The following NELFA variants were observed in gnomAD, a reference collection of about 807,000 sequenced individuals.
The protein encoded by NELFA is negative elongation factor A.
Under a neutral mutation model 51.8 loss-of-function variants are expected in NELFA, and 35 were observed. The observed-to-expected ratio is 0.68, with a 90% CI of 0.52 to 0.90. NELFA has a LOEUF of 0.90. Ranked by LOEUF, NELFA falls within the 40% of genes least tolerant of loss-of-function variation. The pLI is 0.00. For missense variants in NELFA, 658 were observed against 746.4 expected, an observed-to-expected ratio of 0.88 and a Z score of 1.38; for synonymous variants, 417 against 338.4, an observed-to-expected ratio of 1.23 and a Z score of -2.55.
chr4:1,985,900 G>T, intron 6 of NELFA, 36 bp from the exon 7 acceptor site: 1 of 1,559,632 alleles, frequency 6.4e-7, no homozygotes. Flanking sequence ...CAGTGCCCGG[G>T]CGCGTCTGCA....
chr4:1,992,785 G>T (rs116632411), intron 1 of NELFA, among the ~76,000 whole-genome samples: 1 of 152,182 alleles, frequency 6.6e-6, no homozygotes, highest in South Asian at 2.1e-4. Flanking sequence ...AAGTTGGCTC[G>T]AAGGGCAGAG....
At chr4:2,006,105 G>C (rs1728702855) in intron 1 of NELFA, among the ~76,000 whole-genome samples, 1 of 152,208 alleles carries the variant, frequency 6.6e-6, no homozygotes, top group East Asian at 1.9e-4. Flanking sequence ...TAAATAAAGT[G>C]ACAAGAACCG....
intron 8 of NELFA, 65 bp from the exon 9 acceptor site, chr4:1,984,178 C>A: frequency 7.0e-7 from 1 of 1,435,704 alleles, no homozygotes; most frequent in Non-Finnish European, 9.1e-7. Flanking sequence ...CCCTAGTGCT[C>A]CTGGAGGTGA....
At chr4:1,994,672 A>G (rs1349470953) in intron 1 of NELFA, among the ~76,000 whole-genome samples, 1 of 151,718 alleles carries the variant, frequency 6.6e-6, no homozygotes, top group African/African-American at 2.4e-5. Context: ...TGGCTAACAC[A>G]GTGAAACCCT....
At chr4:1,988,709 T>C (rs1041401374) in intron 3 of NELFA, among the ~76,000 whole-genome samples, 8 of 152,250 alleles carry the variant, frequency 5.3e-5, no homozygotes, top group Non-Finnish European at 1.2e-4. Context: ...AATAAAACGA[T>C]GTTATTGAAA....
chr4:1,983,192 G>C lies in NELFA; in HGVS notation c.*127C>G, dbSNP rs1429910806. 2.3e-6 allele frequency: 2 copies of C among 881,706 alleles called. No homozygotes were observed. Among genetic ancestry groups the C allele is most frequent in the Admixed American group, 2.8e-5 (1 of 35,384 alleles). 54.6% of individuals were successfully genotyped at this position (881,706 alleles called of 1,614,324 possible). ...TGCATCCAGAACTTAAAACAGGCTG[G>C]GTCAGCAGCAGGGCGGCGGCCGGGG... On this transcript the variant is annotated 3_prime_UTR_variant, in exon 11 of 11. Coordinates refer to ENST00000382882, the MANE Select transcript of NELFA (RefSeq NM_005663.5).
intron 8 of NELFA, 91 bp from the exon 9 acceptor site, chr4:1,984,204 T>C: frequency 1.5e-6 from 2 of 1,367,214 alleles, no homozygotes; most frequent in Non-Finnish European, 1.9e-6. Context: ...TCAGCTCCCC[T>C]TCTCTGTCCT....
Position 1,989,682 on chromosome 4 carries a change from G to GC in NELFA, c.544+25dup, listed in dbSNP as rs754361528. 6.2e-7 allele frequency: 1 copy of GC among 1,606,660 alleles called. No homozygotes were observed. The highest frequency in any genetic ancestry group is 2.2e-5 in the East Asian group (1 of 44,842). On this transcript the variant is annotated intron_variant, in intron 3 of 10. Transcript: ENST00000382882. This position sits in a 1 kb window ranked among gnomAD's most constrained non-coding sequence, Gnocchi z 4.8. ...TATGACTGGAAACTACAAAGACAAT[G>GC]CCCGATGGCGGCCGCGGCCACTCAC...
At position 1,989,810 on chromosome 4, in the gene NELFA, C is replaced by T. The variant is rs147208231; in HGVS notation, c.442G>A (p.Ala148Thr). The change falls in exon 3 of 11, where the codon GCC becomes ACC. Residue 148 changes from alanine (A) to threonine (T), a missense_variant. Coordinates refer to ENST00000382882, the MANE Select transcript of NELFA (RefSeq NM_005663.5). This position sits in a 1 kb window ranked among gnomAD's most constrained non-coding sequence, Gnocchi z 4.8. ...PLECQYLNKN[A>T]LTTLAGPLTP... ...AGGGGTCCCGCGAGGGTCGTCAGGG[C>T]GTTTTTGTTCAAGTACTGGCACTCC... is the stretch of plus-strand genomic sequence containing the variant. The T allele has an allele frequency of 1.7e-5, 27 of 1,614,170 alleles. No homozygotes were observed. The highest frequency in any genetic ancestry group is 2.2e-5 in the Non-Finnish European group (26 of 1,180,034).
intron 4 of NELFA, among the ~76,000 whole-genome samples, chr4:1,987,117 C>G (rs1728129404): frequency 6.6e-6 from 1 of 152,160 alleles, no homozygotes; most frequent in Non-Finnish European, 1.5e-5. Context: ...TCAGCAGACC[C>G]AAGATGCCTT....
chr4:1,998,554 GTTTGA>G (rs1728491690), intron 1 of NELFA, among the ~76,000 whole-genome samples: 1 of 152,076 alleles, frequency 6.6e-6, no homozygotes, highest in Non-Finnish European at 1.5e-5. Flanking sequence ...GGATATCAGA[GTTTGA>G]ACACCACCTT....
rs1338026200 is a variant in NELFA at position 1,984,744 on chromosome 4, C to T, written c.1036+64G>A. ...TGAGAACCGCAGCCCTGGCAGCGCC[C>T]GTGGGCAAGGTCATGTCCTGGCAGG... On this transcript the variant is annotated intron_variant, in intron 8 of 10. Transcript: ENST00000382882. The T allele has an allele frequency of 3.0e-5, 37 of 1,236,016 alleles. No individual in the cohort carries two copies. The Admixed American group carries it at 6.4e-4, about 21-fold the overall frequency. 76.6% of individuals were successfully genotyped at this position (1,236,016 alleles called of 1,614,324 possible).
rs190072105 is a variant in NELFA at position 2,001,683 on chromosome 4, A to G, written c.210+7067T>C. On this transcript the variant is annotated intron_variant, in intron 1 of 10. Transcript: ENST00000382882. The stretch of plus-strand genomic sequence containing the variant: ...TTTGGGAGGCTGAGGCAGGCAGATT[A>G]CCTGAGGTCAGGAGTTTGAGACCAG... Among the ~76,000 whole-genome samples the G allele has an allele frequency of 5.6e-3, 847 of 151,996 alleles. 3 individuals are homozygous for G. Among genetic ancestry groups the G allele is most frequent in the Middle Eastern group, 0.017 (5 of 294 alleles).
In NELFA at chr4:1,983,882, G is replaced by A. The variant is rs1157636508; in HGVS notation, c.1268C>T (p.Ala423Val). 2.5e-6 allele frequency: 4 copies of A among 1,591,220 alleles called. No homozygotes were observed. The highest frequency in any genetic ancestry group is 1.7e-4 in the Middle Eastern group (1 of 5,930). ...AMVAPQTQAP[A>V]QQQPKKNLSL... ...CAGGTTCTTCTTAGGCTGCTGCTGA[G>A]CAGGGGCCTGGGTCTGCGGGGCCAC... Residue 423 changes from alanine (A) to valine (V), a missense_variant, in exon 9 of 11, where the codon GCT (alanine) becomes GTT (valine). Ala to Val is a moderately conservative substitution (Grantham distance 64). Coordinates refer to ENST00000382882, the MANE Select transcript of NELFA (RefSeq NM_005663.5).
chr4:2,002,115 G>C (rs533507384), intron 1 of NELFA, among the ~76,000 whole-genome samples: 2 of 151,906 alleles, frequency 1.3e-5, no homozygotes, highest in South Asian at 2.1e-4. Flanking sequence ...CAGGAGAATG[G>C]CGTGAACCCG....
Position 1,989,683 on chromosome 4 carries a change from C to T in NELFA, c.544+25G>A, listed in dbSNP as rs1449792575. The T allele has an allele frequency of 1.2e-6, 2 of 1,606,748 alleles. No homozygotes were observed. Among genetic ancestry groups the T allele is most frequent in the Admixed American group, 1.7e-5 (1 of 59,214 alleles). On this transcript the variant is annotated intron_variant, in intron 3 of 10. Transcript: ENST00000382882. This position sits in a 1 kb window ranked among gnomAD's most constrained non-coding sequence, Gnocchi z 4.8. The stretch of plus-strand genomic sequence containing the variant: ...ATGACTGGAAACTACAAAGACAATG[C>T]CCGATGGCGGCCGCGGCCACTCACA...
At position 1,986,262 on chromosome 4, in the gene NELFA, A is replaced by G; in HGVS notation, c.765+10T>C. 1 of 1,574,216 alleles carries G rather than the reference A, an allele frequency of 6.4e-7. No homozygotes were observed. The highest frequency in any genetic ancestry group is 8.6e-7 in the Non-Finnish European group (1 of 1,159,786). On this transcript the variant is annotated intron_variant, in intron 5 of 10. Transcript: ENST00000382882. ...CCCGGGGTGCCACAGGAGCTGGGGG[A>G]CGGGCCTACCTTCACACCTCGTTCC...
At chr4:2,008,576 G>C (rs1728776062) in intron 1 of NELFA, among the ~76,000 whole-genome samples, 174 bp downstream of exon 1, 1 of 145,014 alleles carries the variant, frequency 6.9e-6, no homozygotes, top group Admixed American at 6.8e-5. Context: ...GAGGACTGGA[G>C]GGAGGTATTC....
rs745686118 is a variant in NELFA at position 1,986,143 on chromosome 4, C to T, written c.806G>A (p.Arg269Gln). 3.2e-6 allele frequency: 5 copies of T among 1,554,724 alleles called. No individual in the cohort carries two copies. The highest frequency in any genetic ancestry group is 1.9e-5 in the Admixed American group (1 of 51,470). Residue 269 changes from arginine (R) to glutamine (Q), a missense_variant, in exon 6 of 11, where the codon CGA becomes CAA. Coordinates refer to ENST00000382882, the MANE Select transcript of NELFA (RefSeq NM_005663.5). ...ISELDMVGAG[R>Q]EAKRRRKTLD... ...AGTCTTCCTTCTCCGCTTCGCCTCT[C>T]GGCCAGCGCCAACCATATCCAGCTC...
Sources: allele counts gnomAD v4.1 joint callset (sites outside exome capture counted in the v4.1 genomes callset), GRCh38; gene constraint gnomAD v4.1.1; non-coding constraint Gnocchi (gnomAD v3.1); transcripts MANE v1.5; gene names NCBI Gene and HGNC (gene_info 2026-07-23, HGNC 2026-07-21).